PCDHGA10: variants seen among roughly 807,000 people sequenced by gnomAD.
The protein encoded by PCDHGA10 is protocadherin gamma-A10.
Under a neutral mutation model 59.5 loss-of-function variants are expected in PCDHGA10, and 42 were observed. The ratio of observed to expected loss-of-function variants is 0.71; its 90% CI spans 0.55 to 0.91. The LOEUF (loss-of-function observed/expected upper bound fraction) is 0.91. Among genes scored for constraint, PCDHGA10 ranks in the 40% least tolerant of loss-of-function variants. The probability of loss-of-function intolerance (pLI) is 0.00; values close to 1 mark genes in which losing one functional copy is unlikely to be tolerated. For synonymous variants in PCDHGA10, 511 were observed against 517.2 expected (o/e 0.99, Z 0.16); for missense variants, 1,111 against 1,198.2 (o/e 0.93, Z 1.07).
In PCDHGA10 at chr5:141,512,874, C is replaced by G. The variant is rs2099884476; in HGVS notation, c.*1701C>G. The G allele has an allele frequency of 6.6e-6, 1 of 152,246 alleles. No homozygotes were observed. Among genetic ancestry groups the G allele is most frequent in the Non-Finnish European group, 1.5e-5 (1 of 68,062 alleles). 9.4% of individuals were successfully genotyped at this position (152,246 alleles called of 1,614,324 possible). ...CTTCTCTTCGCATAGTCACGTAGCT[C>G]CCACCCCACCCTCTTCCTGTGTCTC... On this transcript the variant is annotated 3_prime_UTR_variant, in exon 4 of 4. Transcript: ENST00000398610.
intron 2 of PCDHGA10, 36 bp from the exon 3 acceptor site, chr5:141,505,357 T>A (rs1026098450): frequency 6.2e-7 from 1 of 1,613,762 alleles, no homozygotes; most frequent in African/African-American, 1.3e-5. Context: ...TGTGCCGGCC[T>A]GGGAGTCTGT....
rs1488042504 is a variant in PCDHGA10, at chr5:141,511,552, T to C, written c.*379T>C. ...CCTCCTCCCCACCCCACTCCAACAG[T>C]TCCTCTTTCCCGAGTAAGGTGGTTG... On this transcript the variant is annotated 3_prime_UTR_variant, in exon 4 of 4. Coordinates refer to ENST00000398610, the MANE Select transcript of PCDHGA10 (RefSeq NM_018913.3). 1.3e-5 allele frequency: 4 copies of C among 304,316 alleles called. No individual in the cohort carries two copies. The highest frequency in any genetic ancestry group is 2.6e-5 in the Non-Finnish European group (4 of 156,548). The allele number at this position is 304,316 out of a possible 1,614,324, so 18.9% of individuals were successfully genotyped here.
chr5:141,503,075 G>A (rs1373753092), intron 2 of PCDHGA10, among the ~76,000 whole-genome samples: 1 of 151,438 alleles, frequency 6.6e-6, no homozygotes, highest in African/African-American at 2.4e-5. Context: ...GAATGGTCTC[G>A]ATCTCCTGAC....
intron 1 of PCDHGA10, among the ~76,000 whole-genome samples, chr5:141,465,904 C>T (rs1364574558): frequency 2.0e-5 from 3 of 152,046 alleles, no homozygotes; most frequent in Admixed American, 6.5e-5. Context: ...GGGCAAATCA[C>T]GAGGTCAGGA....
chr5:141,450,010 T>A (rs2098664468), intron 1 of PCDHGA10, among the ~76,000 whole-genome samples: 1 of 135,330 alleles, frequency 7.4e-6, no homozygotes, highest in African/African-American at 3.3e-5. Flanking sequence ...ATGTCTCTTT[T>A]TTTTTTTTTT....
intron 1 of PCDHGA10, among the ~76,000 whole-genome samples, chr5:141,454,881 C>G (rs2098805859): frequency 7.4e-6 from 1 of 135,536 alleles, no homozygotes; most frequent in African/African-American, 2.8e-5. Flanking sequence ...GATCTTGGCT[C>G]ACTGCTAGCA....
chr5:141,455,093 T>C (rs2098812615), intron 1 of PCDHGA10, among the ~76,000 whole-genome samples: 1 of 152,060 alleles, frequency 6.6e-6, no homozygotes, highest in African/African-American at 2.4e-5. Context: ...ATTACAGGCT[T>C]GAGCCACTGC....
intron 1 of PCDHGA10, chr5:141,419,468 C>T: frequency 6.2e-7 from 1 of 1,612,484 alleles, no homozygotes; most frequent in Non-Finnish European, 8.5e-7. Flanking sequence ...GGCCCGCGAC[C>T]AGGGCTCGCC....
chr5:141,421,838 A>G (rs2096604619), intron 1 of PCDHGA10: 1 of 1,613,764 alleles, frequency 6.2e-7, no homozygotes, highest in East Asian at 2.2e-5. Flanking sequence ...CTGGACCGAG[A>G]GAAAGAGGCT....
chr5:141,427,504 C>A (rs755936092), intron 1 of PCDHGA10: 8 of 579,302 alleles, frequency 1.4e-5, no homozygotes, highest in Middle Eastern at 2.7e-4. Context: ...ACAGATGGGA[C>A]CCTGGATTGG....
Position 141,432,757 on chromosome 5 carries a change from C to T in PCDHGA10, c.2436+17146C>T. On this transcript the variant is annotated intron_variant, in intron 1 of 3. Coordinates refer to ENST00000398610, the MANE Select transcript of PCDHGA10 (RefSeq NM_018913.3). This position sits in a 1 kb window ranked among gnomAD's most constrained non-coding sequence, Gnocchi z 6.0. ...TCACGCTCACCGTGGCCGTGGCCGA[C>T]AGCATCCCCCAAGTCCTGGCGGACC... is the stretch of plus-strand genomic sequence containing the variant. 1.2e-6 allele frequency: 2 copies of T among 1,614,150 alleles called. No individual in the cohort carries two copies. Among genetic ancestry groups the T allele is most frequent in the African/African-American group, 1.3e-5 (1 of 75,076 alleles).
Position 141,485,606 on chromosome 5 carries a change from G to T in PCDHGA10, c.2437-9201G>T, listed in dbSNP as rs2099616630. On this transcript the variant is annotated intron_variant, in intron 1 of 3. Transcript: ENST00000398610. The surrounding 1 kb of genome is among the most constrained non-coding windows in gnomAD (Gnocchi z 5.7). ...GCAGCTGGACTTGGAAATTGGGGAG[G>T]CAGCTCCTCCAGGACAGCGTTTCCC... is the stretch of plus-strand genomic sequence containing the variant. 1.2e-6 allele frequency: 2 copies of T among 1,612,362 alleles called. No homozygotes were observed. The highest frequency in any genetic ancestry group is 4.5e-5 in the East Asian group (2 of 44,840).
At position 141,487,688 on chromosome 5, in the gene PCDHGA10, G is replaced by A. The variant is rs376927186; in HGVS notation, c.2437-7119G>A. On this transcript the variant is annotated intron_variant, in intron 1 of 3. Coordinates refer to ENST00000398610, the MANE Select transcript of PCDHGA10 (RefSeq NM_018913.3). The surrounding 1 kb of genome is among the most constrained non-coding windows in gnomAD (Gnocchi z 5.0). ...AGGCATATGGCTAGGCCATGTCCTA[G>A]AGAGTACTGGCCTCTCAGTAAGTGC... 6.2e-7 allele frequency: 1 copy of A among 1,604,966 alleles called. No homozygotes were observed.
intron 1 of PCDHGA10, chr5:141,430,546 G>A (rs1323295073): frequency 2.5e-6 from 1 of 402,156 alleles, no homozygotes; most frequent in Non-Finnish European, 4.4e-6. Context: ...GAGCGCCGCT[G>A]TTCACCAATC....
intron 1 of PCDHGA10, chr5:141,422,864 AC>A (rs2096680510): frequency 1.9e-6 from 3 of 1,614,190 alleles, no homozygotes; most frequent in Non-Finnish European, 2.5e-6. Flanking sequence ...CTCAGCAGCA[AC>A]GTGTCGCTGA....
rs61612330 is a variant in PCDHGA10, at chr5:141,454,796, A to ATTTTTTT, written c.2436+39208_2436+39214dup. On this transcript the variant is annotated intron_variant, in intron 1 of 3. Transcript: ENST00000398610. Reference sequence around the variant, plus strand: ...AAGGAAATAATCCTCCATGGTTCTAATTTTTTTTTTTTTTTTTTTTTTTTT... The same window carrying ATTTTTTT: ...AAGGAAATAATCCTCCATGGTTCTAATTTTTTTTTTTTTTTTTTTTTTTTTTTTTTTT... Among the ~76,000 whole-genome samples the ATTTTTTT allele has an allele frequency of 2.6e-3, 198 of 77,448 alleles. 27 individuals are homozygous for ATTTTTTT. The highest frequency in any genetic ancestry group is 8.4e-3 in the African/African-American group (141 of 16,874). The allele number at this position is 77,448 out of a possible 152,430, so 50.8% of individuals were successfully genotyped here. A position where few individuals can be genotyped will look rare whatever the true frequency, so the allele number is the denominator to read the frequency against.
intron 1 of PCDHGA10, among the ~76,000 whole-genome samples, chr5:141,446,747 G>T (rs997132200): frequency 3.9e-5 from 6 of 152,190 alleles, no homozygotes; most frequent in Non-Finnish European, 8.8e-5. Context: ...GATTACAGGC[G>T]TGAGCCACCG....
chr5:141,490,948 G>T lies in PCDHGA10; in HGVS notation c.2437-3859G>T. 1 of 1,613,756 alleles carries T rather than the reference G, an allele frequency of 6.2e-7. No homozygotes were observed. The highest frequency in any genetic ancestry group is 8.5e-7 in the Non-Finnish European group (1 of 1,179,810). On this transcript the variant is annotated intron_variant, in intron 1 of 3. Coordinates refer to ENST00000398610, the MANE Select transcript of PCDHGA10 (RefSeq NM_018913.3). The surrounding 1 kb of genome is among the most constrained non-coding windows in gnomAD (Gnocchi z 5.4). The stretch of plus-strand genomic sequence containing the variant: ...CCCAGCTGTGCTGCACCCACGGCCA[G>T]ACTGGGAACACTCAGCCCCCCAGCG...
chr5:141,495,221 G>A lies in PCDHGA10; in HGVS notation c.2495+356G>A, dbSNP rs376660961. On this transcript the variant is annotated intron_variant, in intron 2 of 3. Coordinates refer to ENST00000398610, the MANE Select transcript of PCDHGA10 (RefSeq NM_018913.3). ...ACTGCCTAACCCCCTCCCCTGAGTT[G>A]AGCTGGGCTCCATTATGACCTGGGG... Among the ~76,000 whole-genome samples, 26 of 152,300 alleles carry A rather than the reference G, an allele frequency of 1.7e-4. 1 individual carries two copies. The East Asian group carries it at 4.4e-3, about 26-fold the overall frequency.
Sources: gnomAD v4.1 joint callset for allele counts (sites outside exome capture counted in the v4.1 genomes callset) on GRCh38, gnomAD v4.1.1 for gene constraint, Gnocchi (gnomAD v3.1) non-coding constraint, MANE v1.5 for transcripts, NCBI Gene and HGNC (gene_info 2026-07-23, HGNC 2026-07-21) for gene names.